PDZRN4: variants seen among roughly 807,000 people sequenced by gnomAD.
The protein encoded by PDZRN4 is PDZ domain-containing RING finger protein 4.
PDZRN4 carries 70 observed loss-of-function variants against 99.0 expected under a neutral mutation model. The ratio of observed to expected loss-of-function variants is 0.71; its 90% CI spans 0.58 to 0.86. PDZRN4 has a LOEUF of 0.86. Ranked by LOEUF, PDZRN4 falls within the 40% of genes least tolerant of loss-of-function variation. PDZRN4 has a pLI of 0.00. For synonymous variants in PDZRN4, 551 were observed against 501.6 expected, an observed-to-expected ratio of 1.10 and a Z score of -1.32; for missense variants, 1,474 against 1,331.2, an observed-to-expected ratio of 1.11 and a Z score of -1.67.
intron 3 of PDZRN4, among the ~76,000 whole-genome samples, chr12:41,461,681 A>G (rs893001212): frequency 1.4e-4 from 21 of 152,106 alleles, no homozygotes; most frequent in Non-Finnish European, 2.9e-4. Flanking sequence ...TTATTTCTTT[A>G]TGTTTAGAAA....
intron 4 of PDZRN4, among the ~76,000 whole-genome samples, chr12:41,507,883 A>C (rs34762143): frequency 6.6e-6 from 1 of 152,120 alleles, no homozygotes; most frequent in East Asian, 1.9e-4. Context: ...AACAAAAATA[A>C]AGTCACTGCC....
At chr12:41,300,552 G>A (rs907788283) in intron 3 of PDZRN4, among the ~76,000 whole-genome samples, 3 of 151,864 alleles carry the variant, frequency 2.0e-5, no homozygotes, top group African/African-American at 7.2e-5. Flanking sequence ...TAATATGTAG[G>A]TTTTATTTTT....
chr12:41,478,075 G>T (rs1474729396), intron 3 of PDZRN4, among the ~76,000 whole-genome samples: 1 of 151,934 alleles, frequency 6.6e-6, no homozygotes, highest in Non-Finnish European at 1.5e-5. Flanking sequence ...TATCTCATAG[G>T]TACCTTAAAT....
chr12:41,250,836 A>G (rs1452917411), intron 3 of PDZRN4, among the ~76,000 whole-genome samples: 2 of 152,210 alleles, frequency 1.3e-5, no homozygotes, highest in African/African-American at 4.8e-5. Flanking sequence ...CATAATAAGC[A>G]GATGTTATTG....
At chr12:41,517,152 T>A (rs1938414961) in intron 5 of PDZRN4, among the ~76,000 whole-genome samples, 5 of 152,092 alleles carry the variant, frequency 3.3e-5, no homozygotes, top group African/African-American at 1.2e-4. Context: ...CCTCACTGAT[T>A]GTGACAACAC....
rs1236510156 is a variant in PDZRN4 at position 41,259,662 on chromosome 12, G to C, written c.843+65474G>C. On this transcript the variant is annotated intron_variant, in intron 3 of 9. Transcript: ENST00000402685. ...CAAGAGAAACAAGTCTGAAAACTAT[G>C]TTAAGCATTTAAAATAAAAATAAAA... Among the ~76,000 whole-genome samples, 2 of 152,066 alleles carry C rather than the reference G, an allele frequency of 1.3e-5. 1 individual carries two copies. The highest frequency in any genetic ancestry group is 1.3e-4 in the Admixed American group (2 of 15,272).
intron 1 of PDZRN4, among the ~76,000 whole-genome samples, chr12:41,189,826 G>T (rs541228215): frequency 6.6e-6 from 1 of 152,270 alleles, no homozygotes; most frequent in South Asian, 2.1e-4. Flanking sequence ...GGGAAGTCCA[G>T]TCCGAGAACC....
chr12:41,412,815 C>T (rs187447257), intron 3 of PDZRN4, among the ~76,000 whole-genome samples: 434 of 152,204 alleles, frequency 2.9e-3, no homozygotes, highest in Middle Eastern at 0.027. Context: ...CTAGGCCAGG[C>T]ATGGTGGCTC....
At chr12:41,425,299 G>A (rs566442251) in intron 3 of PDZRN4, among the ~76,000 whole-genome samples, 39 of 151,372 alleles carry the variant, frequency 2.6e-4, no homozygotes, top group Non-Finnish European at 3.7e-4. Flanking sequence ...CAAGCTGGTA[G>A]GAAGGTAACC....
At chr12:41,264,519 G>A (rs1665680709) in intron 3 of PDZRN4, among the ~76,000 whole-genome samples, 1 of 149,538 alleles carries the variant, frequency 6.7e-6, no homozygotes, top group Admixed American at 6.6e-5. Context: ...TGAAAGAACA[G>A]AGTATTACTC....
At chr12:41,289,977 C>T (rs1287790549) in intron 3 of PDZRN4, among the ~76,000 whole-genome samples, 1 of 152,190 alleles carries the variant, frequency 6.6e-6, no homozygotes, top group Non-Finnish European at 1.5e-5. Context: ...GAAATTTTGA[C>T]AGCAAGTAGG....
chr12:41,191,917 G>A (rs867906972), intron 2 of PDZRN4, among the ~76,000 whole-genome samples: 1 of 151,736 alleles, frequency 6.6e-6, no homozygotes, highest in Non-Finnish European at 1.5e-5. Context: ...CAAATAGCTG[G>A]GATTACAGGC....
chr12:41,194,741 A>G (rs1342306424), intron 3 of PDZRN4, among the ~76,000 whole-genome samples: 1 of 152,212 alleles, frequency 6.6e-6, no homozygotes, highest in Non-Finnish European at 1.5e-5. Flanking sequence ...GTGTTAATGA[A>G]TACCTCTGTT....
At chr12:41,264,368 C>T (rs959529686) in intron 3 of PDZRN4, among the ~76,000 whole-genome samples, 8 of 152,124 alleles carry the variant, frequency 5.3e-5, no homozygotes, top group African/African-American at 1.9e-4. Context: ...TGAACTTAGT[C>T]ATAGCTCTTG....
intron 3 of PDZRN4, among the ~76,000 whole-genome samples, chr12:41,379,235 TC>T (rs1441179412): frequency 1.4e-5 from 2 of 146,628 alleles, no homozygotes; most frequent in Non-Finnish European, 3.0e-5. Context: ...ATTTGAGTCT[TC>T]TGTCTCTATT....
intron 3 of PDZRN4, among the ~76,000 whole-genome samples, chr12:41,243,052 T>G (rs1457707860): frequency 6.6e-6 from 1 of 152,226 alleles, no homozygotes; most frequent in Non-Finnish European, 1.5e-5. Flanking sequence ...GTTATTTTCT[T>G]TGTCTGTTAC....
intron 3 of PDZRN4, among the ~76,000 whole-genome samples, chr12:41,443,230 T>C (rs943127193): frequency 2.0e-5 from 3 of 152,056 alleles, no homozygotes; most frequent in African/African-American, 7.2e-5. Context: ...AACAGAGATA[T>C]TGACAGACAG....
intron 3 of PDZRN4, among the ~76,000 whole-genome samples, chr12:41,385,226 G>T (rs1421890585): frequency 6.6e-6 from 1 of 152,140 alleles, no homozygotes. Flanking sequence ...GGGAGGAGTT[G>T]CACAATTAAA....
intron 3 of PDZRN4, among the ~76,000 whole-genome samples, chr12:41,292,921 T>C (rs1165800049): frequency 1.3e-5 from 2 of 151,770 alleles, no homozygotes; most frequent in East Asian, 4.0e-4. Flanking sequence ...TGAATGTTTC[T>C]GGTCAGGCAG....
Sources: gnomAD v4.1 joint callset for allele counts (sites outside exome capture counted in the v4.1 genomes callset) on GRCh38, gnomAD v4.1.1 for gene constraint, MANE v1.5 for transcripts, NCBI Gene and HGNC (gene_info 2026-07-23, HGNC 2026-07-21) for gene names.